The following KHDRBS3 variants were observed in gnomAD, a reference collection of about 807,000 sequenced individuals.
KHDRBS3 encodes the protein KH RNA binding domain containing, signal transduction associated 3, also known as KH domain-containing, RNA-binding, signal transduction-associated protein 3.
KHDRBS3 carries 23 observed loss-of-function variants against 45.6 expected under a neutral mutation model. The observed-to-expected ratio is 0.50, with a 90% CI of 0.36 to 0.72. KHDRBS3 has a LOEUF of 0.72. KHDRBS3 is among the 30% of genes least tolerant of loss of function. KHDRBS3 has a pLI of 0.00. For missense variants in KHDRBS3, 352 were observed against 424.8 expected, an observed-to-expected ratio of 0.83 and a Z score of 1.51; for synonymous variants, 162 against 156.5, an observed-to-expected ratio of 1.04 and a Z score of -0.26.
intron 7 of KHDRBS3, among the ~76,000 whole-genome samples, chr8:135,614,594 C>CA (rs34394345): frequency 1.3e-5 from 2 of 151,330 alleles, no homozygotes; most frequent in Admixed American, 6.6e-5. Context: ...AAACTGTCAA[C>CA]AAAAATACTT....
rs74837759 is a variant in KHDRBS3, at chr8:135,642,755, G to A, written c.891-2304G>A. Among the ~76,000 whole-genome samples, 31 of 151,924 alleles carry A rather than the reference G, an allele frequency of 2.0e-4. No homozygotes were observed. The East Asian group carries it at 6.0e-3, about 29-fold the overall frequency. ...AGGTGGGGCCTATATTCTATGTGTG[G>A]AAGAAGTATTCTAAGGAATATTCCG... On this transcript the variant is annotated intron_variant, in intron 7 of 8. Transcript: ENST00000355849.
chr8:135,638,962 C>T (rs928775078), intron 7 of KHDRBS3, among the ~76,000 whole-genome samples: 9 of 130,190 alleles, frequency 6.9e-5, no homozygotes, highest in African/African-American at 2.1e-4. Context: ...AGTGAGACTC[C>T]GTCTCAAAAA....
At chr8:135,500,710 T>G (rs1563725266) in intron 1 of KHDRBS3, among the ~76,000 whole-genome samples, 1 of 152,214 alleles carries the variant, frequency 6.6e-6, no homozygotes, top group Non-Finnish European at 1.5e-5. Flanking sequence ...TTTAAGATTC[T>G]TTTATGTATT....
chr8:135,517,824 A>T (rs577091594), intron 1 of KHDRBS3, among the ~76,000 whole-genome samples: 102 of 152,218 alleles, frequency 6.7e-4, no homozygotes, highest in African/African-American at 1.8e-3. Context: ...TAAAAAATTT[A>T]AAAAAAATCT....
chr8:135,530,703 T>A (rs191654686), intron 2 of KHDRBS3, among the ~76,000 whole-genome samples: 1 of 152,290 alleles, frequency 6.6e-6, no homozygotes, highest in East Asian at 1.9e-4. Context: ...GACTTTTTCC[T>A]GCGTTTTTTA....
At chr8:135,579,639 T>C (rs758736243) in intron 5 of KHDRBS3, among the ~76,000 whole-genome samples, 2 of 152,156 alleles carry the variant, frequency 1.3e-5, no homozygotes, top group Non-Finnish European at 2.9e-5. Context: ...TCCTGCCCGA[T>C]GTTCTTTTTC....
At chr8:135,642,540 G>T (rs980984318) in intron 7 of KHDRBS3, among the ~76,000 whole-genome samples, 2 of 152,166 alleles carry the variant, frequency 1.3e-5, no homozygotes, top group African/African-American at 4.8e-5. Context: ...TACCTCTGTG[G>T]AAAAATTGCA....
chr8:135,543,876 T>C (rs941761139), intron 3 of KHDRBS3, among the ~76,000 whole-genome samples: 3 of 152,210 alleles, frequency 2.0e-5, no homozygotes, highest in African/African-American at 4.8e-5. Context: ...GGATACTGTT[T>C]AAAAGTAGAT....
At chr8:135,514,611 C>T (rs1586642660) in intron 1 of KHDRBS3, among the ~76,000 whole-genome samples, 1 of 152,124 alleles carries the variant, frequency 6.6e-6, no homozygotes, top group South Asian at 2.1e-4. Context: ...TTGTGTGAGA[C>T]AAAAAAGTTC....
chr8:135,604,940 A>G (rs954667345), intron 6 of KHDRBS3, among the ~76,000 whole-genome samples: 1 of 149,116 alleles, frequency 6.7e-6, no homozygotes, highest in Admixed American at 6.7e-5. Context: ...TTTTTTTCTT[A>G]AGAACTTGTT....
At chr8:135,542,593 C>G in intron 2 of KHDRBS3, 61 bp from the exon 3 acceptor site, 1 of 1,055,578 alleles carries the variant, frequency 9.5e-7, no homozygotes, top group Non-Finnish European at 1.5e-6. Context: ...TCTTAACATT[C>G]AAGATTAAGA....
intron 2 of KHDRBS3, among the ~76,000 whole-genome samples, chr8:135,529,345 A>G (rs1825350876): frequency 6.6e-6 from 1 of 152,184 alleles, no homozygotes; most frequent in Non-Finnish European, 1.5e-5. Flanking sequence ...AGAATTGGGA[A>G]GTTATTTAGG....
At chr8:135,503,314 G>C (rs1455070522) in intron 1 of KHDRBS3, among the ~76,000 whole-genome samples, 1 of 152,168 alleles carries the variant, frequency 6.6e-6, no homozygotes, top group Non-Finnish European at 1.5e-5. Flanking sequence ...TTATCCAGTT[G>C]CTACTGTCAC....
chr8:135,487,437 G>T (rs1249997389), intron 1 of KHDRBS3, among the ~76,000 whole-genome samples: 1 of 152,116 alleles, frequency 6.6e-6, no homozygotes, highest in Non-Finnish European at 1.5e-5. Context: ...TGAACTCTGG[G>T]CTAGATAGAG....
intron 3 of KHDRBS3, among the ~76,000 whole-genome samples, chr8:135,547,891 G>T (rs965904371): frequency 1.3e-5 from 2 of 152,168 alleles, no homozygotes; most frequent in Non-Finnish European, 2.9e-5. Context: ...GGTTAGTTAG[G>T]AAAAGGCAGT....
At chr8:135,593,144 G>T (rs958134322) in intron 6 of KHDRBS3, among the ~76,000 whole-genome samples, 1 of 152,114 alleles carries the variant, frequency 6.6e-6, no homozygotes, top group African/African-American at 2.4e-5. Context: ...TTTATGTCTT[G>T]CTTTGATGCA....
intron 6 of KHDRBS3, among the ~76,000 whole-genome samples, chr8:135,603,327 ATTAGGAGCCTCCAGCTTCTTTT>A (rs1829302713): frequency 6.6e-6 from 1 of 152,212 alleles, no homozygotes; most frequent in Admixed American, 6.5e-5. Flanking sequence ...TTTTCCTTCC[ATTAGGAGCCTCCAGCTTCTTTT>A]AATTCATAAG....
intron 6 of KHDRBS3, among the ~76,000 whole-genome samples, chr8:135,597,574 A>G (rs908852953): frequency 6.6e-6 from 1 of 151,922 alleles, no homozygotes; most frequent in East Asian, 1.9e-4. Flanking sequence ...CACTCTCATT[A>G]TCTTATATAC....
At chr8:135,491,282 T>C (rs1823137719) in intron 1 of KHDRBS3, among the ~76,000 whole-genome samples, 1 of 152,178 alleles carries the variant, frequency 6.6e-6, no homozygotes, top group Admixed American at 6.6e-5. Flanking sequence ...TTACTTTTCA[T>C]GTCCCTAGAT....
Sources: allele counts gnomAD v4.1 joint callset (sites outside exome capture counted in the v4.1 genomes callset), GRCh38; gene constraint gnomAD v4.1.1; transcripts MANE v1.5; gene names NCBI Gene and HGNC (gene_info 2026-07-23, HGNC 2026-07-21).